The following CAV3 variants were observed in gnomAD, a reference collection of about 807,000 sequenced individuals.
CAV3 encodes caveolin-3.
In CAV3, 10 loss-of-function variants were observed where a neutral mutation model predicts 13.4. That is an observed-to-expected ratio of 0.75 (90% CI 0.46 to 1.27). CAV3 has a LOEUF of 1.27. Ranked by LOEUF, CAV3 falls within the 50% of genes most tolerant of loss-of-function variation. The pLI is 0.00. For synonymous variants in CAV3, 90 were observed against 79.0 expected, an observed-to-expected ratio of 1.14 and a Z score of -0.74; for missense variants, 162 against 194.0, an observed-to-expected ratio of 0.83 and a Z score of 0.98.
At chr3:8,739,176 T>C (rs530796059) in intron 1 of CAV3, among the ~76,000 whole-genome samples, 9 of 152,340 alleles carry the variant, frequency 5.9e-5, no homozygotes, top group Admixed American at 1.3e-4. Context: ...TCAACTGATC[T>C]AGAGTTTTTC....
chr3:8,737,843 T>C (rs1242569116), intron 1 of CAV3, among the ~76,000 whole-genome samples: 1 of 152,088 alleles, frequency 6.6e-6, no homozygotes, highest in Non-Finnish European at 1.5e-5. Flanking sequence ...CACCCAAGGT[T>C]GCCTCAACCT....
At chr3:8,743,274 G>C (rs1708038350) in intron 1 of CAV3, among the ~76,000 whole-genome samples, 1 of 152,148 alleles carries the variant, frequency 6.6e-6, no homozygotes, top group African/African-American at 2.4e-5. Flanking sequence ...ATGAATACAT[G>C]AAAGAAAAAT....
intron 1 of CAV3, among the ~76,000 whole-genome samples, chr3:8,734,638 C>A (rs2124977915): frequency 1.3e-5 from 2 of 152,354 alleles, no homozygotes; most frequent in South Asian, 4.1e-4. Context: ...TGGGCCTCTT[C>A]CCTCGCCTCC....
chr3:8,738,274 C>T (rs1301708063), intron 1 of CAV3, among the ~76,000 whole-genome samples: 2 of 152,210 alleles, frequency 1.3e-5, no homozygotes, highest in Non-Finnish European at 2.9e-5. Flanking sequence ...CCCCCTCCAC[C>T]CACATCTGCC....
At chr3:8,744,257 G>A (rs1299711698) in intron 1 of CAV3, among the ~76,000 whole-genome samples, 1 of 149,512 alleles carries the variant, frequency 6.7e-6, no homozygotes, top group Non-Finnish European at 1.5e-5. Context: ...GTTCACTGCT[G>A]TTTAATTGAC....
rs114571835 is a variant in CAV3, at chr3:8,743,380, G to A, written c.115-2146G>A. Among the ~76,000 whole-genome samples, 469 of 152,002 alleles carry A rather than the reference G, an allele frequency of 3.1e-3. 5 individuals carry two copies. Among genetic ancestry groups the A allele is most frequent in the African/African-American group, 0.011 (449 of 41,442 alleles). On this transcript the variant is annotated intron_variant, in intron 1 of 1. Transcript: ENST00000343849. ...ACTTTTCCATCCCTGTTCCAATCCCGAAGTCCCCTAAATTCCCAGCCAGCC... is the reference window on the plus strand; with the variant it reads ...ACTTTTCCATCCCTGTTCCAATCCCAAAGTCCCCTAAATTCCCAGCCAGCC...
chr3:8,741,998 G>A (rs1253411052), intron 1 of CAV3, among the ~76,000 whole-genome samples: 9 of 152,036 alleles, frequency 5.9e-5, no homozygotes, highest in Non-Finnish European at 1.2e-4. Context: ...ACAGTGTCCT[G>A]AGCCTCAGCA....
intron 1 of CAV3, among the ~76,000 whole-genome samples, chr3:8,735,908 C>G (rs541612833): frequency 6.6e-6 from 1 of 152,292 alleles, no homozygotes; most frequent in Non-Finnish European, 1.5e-5. Flanking sequence ...ACTTCTGTCC[C>G]CCTGCTTCAC....
rs1475591725 is a variant in CAV3 at position 8,745,026 on chromosome 3, TG to T, written c.115-498del. ...GGATCTGTGTCCCCTCTAAACCTCA[TG>T]GTGAAACATAATCTCCAATATTGGA... On this transcript the variant is annotated intron_variant, in intron 1 of 1. Coordinates refer to ENST00000343849, the MANE Select transcript of CAV3 (RefSeq NM_033337.3). The surrounding 1 kb of genome is among the most constrained non-coding windows in gnomAD (Gnocchi z 4.8). The T allele has an allele frequency of 1.2e-5, 2 of 165,206 alleles. No individual in the cohort carries two copies. The highest frequency in any genetic ancestry group is 2.7e-5 in the Non-Finnish European group (2 of 74,862). The allele number at this position is 165,206 out of a possible 1,614,324, so 10.2% of individuals were successfully genotyped here. A position where few individuals can be genotyped will look rare whatever the true frequency, so the allele number is the denominator to read the frequency against.
At position 8,745,654 on chromosome 3, in the gene CAV3, C is replaced by CGTCCCA. The variant is rs1559654772; in HGVS notation, c.244_249dup (p.Val82_Pro83dup). On this transcript the variant is annotated inframe_insertion, in exon 2 of 2. Transcript: ENST00000343849. This position sits in a 1 kb window ranked among gnomAD's most constrained non-coding sequence, Gnocchi z 4.8. The stretch of plus-strand genomic sequence containing the variant: ...ACCGTCTGTTGTCCACGCTGCTGGG[C>CGTCCCA]GTCCCACTGGCCCTGCTCTGGGGCT... The CGTCCCA allele has an allele frequency of 6.2e-7, 1 of 1,614,080 alleles. No homozygotes were observed. Among genetic ancestry groups the CGTCCCA allele is most frequent in the Non-Finnish European group, 8.5e-7 (1 of 1,179,980 alleles).
At chr3:8,736,340 T>A (rs1396518457) in intron 1 of CAV3, among the ~76,000 whole-genome samples, 1 of 152,022 alleles carries the variant, frequency 6.6e-6, no homozygotes, top group Non-Finnish European at 1.5e-5. Flanking sequence ...AGCATGAGGA[T>A]TGAATGAGAT....
chr3:8,741,927 C>CGACAGAA (rs939398306), intron 1 of CAV3, among the ~76,000 whole-genome samples: 2 of 152,126 alleles, frequency 1.3e-5, no homozygotes, highest in African/African-American at 4.8e-5. Context: ...AAGGGGACAC[C>CGACAGAA]GACAGAATGT....
chr3:8,743,322 C>A (rs1162120877), intron 1 of CAV3, among the ~76,000 whole-genome samples: 1 of 152,122 alleles, frequency 6.6e-6, no homozygotes, highest in South Asian at 2.1e-4. Flanking sequence ...GGGGGTTTGA[C>A]TAGAACCTCC....
chr3:8,742,733 T>C (rs1708018024), intron 1 of CAV3: 1 of 301,320 alleles, frequency 3.3e-6, no homozygotes, highest in Middle Eastern at 7.8e-4. Context: ...GATGTGTGGG[T>C]GGGTGGATGG....
At chr3:8,738,957 G>A (rs1433439811) in intron 1 of CAV3, among the ~76,000 whole-genome samples, 1 of 152,228 alleles carries the variant, frequency 6.6e-6, no homozygotes, top group Non-Finnish European at 1.5e-5. Context: ...TTAGGACAGA[G>A]GATCTGAAAG....
chr3:8,736,543 G>C (rs1194063694), intron 1 of CAV3, among the ~76,000 whole-genome samples: 1 of 152,214 alleles, frequency 6.6e-6, no homozygotes, highest in African/African-American at 2.4e-5. Flanking sequence ...TCCCACGGGA[G>C]AACATGGTTT....
chr3:8,742,370 AAAAAG>A, intron 1 of CAV3: 9 of 352,314 alleles, frequency 2.6e-5, no homozygotes, highest in Admixed American at 4.0e-5. Flanking sequence ...CAAAAAAAAA[AAAAAG>A]AAGAAGAAGA....
intron 1 of CAV3, among the ~76,000 whole-genome samples, chr3:8,743,925 T>A (rs1030559215): frequency 3.9e-5 from 6 of 152,198 alleles, no homozygotes; most frequent in East Asian, 1.9e-4. Flanking sequence ...CCATTTTTTT[T>A]ATAATGAAAG....
chr3:8,734,664 C>T (rs1251462802), intron 1 of CAV3, among the ~76,000 whole-genome samples: 1 of 152,196 alleles, frequency 6.6e-6, no homozygotes, highest in East Asian at 1.9e-4. Context: ...ACACTAGCGG[C>T]CCTGCTGCCT....
Sources: allele counts gnomAD v4.1 joint callset (sites outside exome capture counted in the v4.1 genomes callset), GRCh38; gene constraint gnomAD v4.1.1; non-coding constraint Gnocchi (gnomAD v3.1); transcripts MANE v1.5; gene names NCBI Gene and HGNC (gene_info 2026-07-23, HGNC 2026-07-21).